The following DLGAP4 variants were observed in gnomAD, a reference collection of about 807,000 sequenced individuals.
DLGAP4 encodes the protein DLG associated protein 4, also known as disks large-associated protein 4.
A neutral mutation model predicts 86.9 loss-of-function variants in DLGAP4; 18 were observed. The observed-to-expected ratio is 0.21, with a 90% CI of 0.14 to 0.31. The LOEUF is 0.31. Ranked by LOEUF, DLGAP4 falls within the 10% of genes least tolerant of loss-of-function variation. DLGAP4 has a pLI of 1.00. For synonymous variants in DLGAP4, 548 were observed against 574.3 expected (o/e 0.95, Z 0.65); for missense variants, 1,085 against 1,362.6 (o/e 0.80, Z 3.21).
At chr20:36,411,145 G>A (rs1220718191) in intron 2 of DLGAP4, among the ~76,000 whole-genome samples, 4 of 152,014 alleles carry the variant, frequency 2.6e-5, no homozygotes, top group Admixed American at 6.5e-5. Flanking sequence ...ATGCGCCATC[G>A]CACCCAGCTA....
chr20:36,425,594 C>T (rs150132803), intron 2 of DLGAP4, among the ~76,000 whole-genome samples: 25 of 152,138 alleles, frequency 1.6e-4, no homozygotes, highest in South Asian at 4.2e-4. Flanking sequence ...GAGGCCAAGG[C>T]GGGTGGATCA....
intron 2 of DLGAP4, among the ~76,000 whole-genome samples, chr20:36,399,051 G>A (rs1223363974): frequency 1.3e-5 from 2 of 152,136 alleles, no homozygotes; most frequent in African/African-American, 4.8e-5. Flanking sequence ...AAATTAGCTA[G>A]GCATGGTGGT....
intron 8 of DLGAP4, chr20:36,499,186 G>T: frequency 6.6e-7 from 1 of 1,512,110 alleles, no homozygotes; most frequent in Non-Finnish European, 9.1e-7. Flanking sequence ...GTGTGTGTGT[G>T]TGTTTTCTTT....
At chr20:36,325,259 G>A (rs2147350462) in intron 1 of DLGAP4, among the ~76,000 whole-genome samples, 1 of 152,102 alleles carries the variant, frequency 6.6e-6, no homozygotes, top group African/African-American at 2.4e-5. Flanking sequence ...AAATATTTGA[G>A]GATTTTTCAG....
rs2036108548 is a variant in DLGAP4, at chr20:36,500,705, G to T, written c.2512+94G>T. On this transcript the variant is annotated intron_variant, in intron 10 of 12. Coordinates refer to ENST00000339266, the MANE Select transcript of DLGAP4 (RefSeq NM_001365621.2). The surrounding 1 kb of genome is among the most constrained non-coding windows in gnomAD (Gnocchi z 4.6). ...AGCAGCTTCCGAACTTCTGAGTGGG[G>T]GTCTCTTAGGTTCTCTTCTTGGGCT... 2 of 1,229,436 alleles carry T rather than the reference G, an allele frequency of 1.6e-6. No individual in the cohort carries two copies. Among genetic ancestry groups the T allele is most frequent in the Non-Finnish European group, 2.1e-6 (2 of 932,300 alleles). 76.2% of individuals were successfully genotyped at this position (1,229,436 alleles called of 1,614,324 possible). A position where few individuals can be genotyped will look rare whatever the true frequency, so the allele number is the denominator to read the frequency against.
rs2033151493 is a variant in DLGAP4, at chr20:36,432,329, G to T, written c.612G>T (p.Trp204Cys). The T allele has an allele frequency of 6.2e-7, 1 of 1,613,638 alleles. No individual in the cohort carries two copies. Among genetic ancestry groups the T allele is most frequent in the Non-Finnish European group, 8.5e-7 (1 of 1,179,908 alleles). The stretch of plus-strand genomic sequence containing the variant: ...GCAGCCGCTCCAACATCTCAGGCTG[G>T]TGGAGCTCCGATGACAACTTGGACG... The part of the protein sequence containing the change: ...KRRSRSNISG[W>C]WSSDDNLDGE... Residue 204 changes from tryptophan to cysteine, a missense_variant, in exon 3 of 13, where the codon TGG (tryptophan) becomes TGT (cysteine). Transcript: ENST00000339266. This position sits in a 1 kb window ranked among gnomAD's most constrained non-coding sequence, Gnocchi z 6.5.
At chr20:36,396,607 TACAC>T (rs2032002126) in intron 2 of DLGAP4, among the ~76,000 whole-genome samples, 2 of 69,240 alleles carry the variant, frequency 2.9e-5, no homozygotes, top group South Asian at 6.0e-4. Context: ...CACGCACGCA[TACAC>T]ACCACAGACA....
intron 5 of DLGAP4, 43 bp downstream of exon 5, chr20:36,439,911 C>A: frequency 6.5e-7 from 1 of 1,542,568 alleles, no homozygotes; most frequent in Non-Finnish European, 8.9e-7. Context: ...GGCTTGGGTA[C>A]TGATTCCCAT....
Position 36,393,563 on chromosome 20 carries a change from G to C in DLGAP4, c.-73+26288G>C, listed in dbSNP as rs1025211393. Among the ~76,000 whole-genome samples the C allele has an allele frequency of 3.3e-5, 5 of 152,208 alleles. No individual in the cohort carries two copies. The highest frequency in any genetic ancestry group is 7.4e-5 in the Non-Finnish European group (5 of 67,998). ...CCTGAGGTCTCCACACCGAGCCCCT[G>C]GGGAGCACAGGGAAGCGAGCCAGCC... On this transcript the variant is annotated intron_variant, in intron 2 of 12. Transcript: ENST00000339266. The surrounding 1 kb of genome is among the most constrained non-coding windows in gnomAD (Gnocchi z 4.4).
chr20:36,481,400 G>A (rs1294611200), intron 7 of DLGAP4, among the ~76,000 whole-genome samples: 1 of 152,038 alleles, frequency 6.6e-6, no homozygotes, highest in Non-Finnish European at 1.5e-5. Flanking sequence ...TCTTCTCCAG[G>A]GTGACCATCC....
chr20:36,421,115 TG>T (rs926592107), intron 2 of DLGAP4, among the ~76,000 whole-genome samples: 1 of 151,806 alleles, frequency 6.6e-6, no homozygotes, highest in African/African-American at 2.4e-5. Flanking sequence ...CACTCCAGCC[TG>T]GGCAAAAAAC....
chr20:36,324,374 C>A (rs2065197441), intron 1 of DLGAP4, among the ~76,000 whole-genome samples: 1 of 152,098 alleles, frequency 6.6e-6, no homozygotes, highest in South Asian at 2.1e-4. Context: ...TTTCAGTGAG[C>A]CGAGATTGCA....
chr20:36,461,270 C>CA (rs2034028442), intron 7 of DLGAP4: 3 of 9,652 alleles, frequency 3.1e-4, no homozygotes, highest in South Asian at 9.8e-3. Flanking sequence ...CTGGGCCGGC[C>CA]GGCTGGGCGT....
intron 2 of DLGAP4, among the ~76,000 whole-genome samples, chr20:36,375,869 G>A (rs1159705058): frequency 6.6e-6 from 1 of 152,126 alleles, no homozygotes; most frequent in African/African-American, 2.4e-5. Context: ...TGACCCTTAA[G>A]GTAAAAGGGA....
At chr20:36,334,972 G>T (rs574021625) in intron 1 of DLGAP4, among the ~76,000 whole-genome samples, 19 of 152,126 alleles carry the variant, frequency 1.2e-4, no homozygotes, top group Non-Finnish European at 2.5e-4. Context: ...TTAATTCTCC[G>T]ACAGTCATAC....
chr20:36,330,499 A>C (rs2065256542), intron 1 of DLGAP4, among the ~76,000 whole-genome samples: 1 of 151,690 alleles, frequency 6.6e-6, no homozygotes, highest in East Asian at 1.9e-4. Context: ...CCTCATCTGT[A>C]AAATGTGCCT....
In DLGAP4 at chr20:36,446,875, C is replaced by G; in HGVS notation, c.1586C>G (p.Ser529Cys). 1 of 1,613,370 alleles carries G rather than the reference C, an allele frequency of 6.2e-7. No homozygotes were observed. The highest frequency in any genetic ancestry group is 8.5e-7 in the Non-Finnish European group (1 of 1,179,944). ...TGCTCGCAGGAGGAGGACAGTGTCTCCCTGCAGTCCCTCTCCCCACCGCCC... is the reference window on the plus strand; with the variant it reads ...TGCTCGCAGGAGGAGGACAGTGTCTGCCTGCAGTCCCTCTCCCCACCGCCC... ...AGCSQEEDSV[S>C]LQSLSPPPST... Residue 529 changes from serine (S) to cysteine (C), a missense_variant, in exon 7 of 13, where the codon TCC becomes TGC. By Grantham distance (112) the Ser-to-Cys change is moderately radical. Coordinates refer to ENST00000339266, the MANE Select transcript of DLGAP4 (RefSeq NM_001365621.2).
At chr20:36,317,248 TTTC>T (rs2065111500) in intron 1 of DLGAP4, among the ~76,000 whole-genome samples, 2 of 55,358 alleles carry the variant, frequency 3.6e-5, no homozygotes, top group African/African-American at 2.2e-4. Flanking sequence ...TCTTTCTTTC[TTTC>T]TTTCTTTCTT....
In DLGAP4 at chr20:36,459,531, A is replaced by G. The variant is rs150785848; in HGVS notation, c.1648+12594A>G. Among the ~76,000 whole-genome samples the G allele has an allele frequency of 5.9e-3, 897 of 152,286 alleles. 10 individuals carry two copies. Among genetic ancestry groups the G allele is most frequent in the African/African-American group, 0.019 (789 of 41,552 alleles). ...AGCTGAGGAGCCACAGGCACATGCC[A>G]CCACACCCAGCTAATTTTTTAATTT... On this transcript the variant is annotated intron_variant, in intron 7 of 12. Transcript: ENST00000339266.
Sources: allele counts gnomAD v4.1 joint callset (sites outside exome capture counted in the v4.1 genomes callset), GRCh38; gene constraint gnomAD v4.1.1; non-coding constraint Gnocchi (gnomAD v3.1); transcripts MANE v1.5; gene names NCBI Gene and HGNC (gene_info 2026-07-23, HGNC 2026-07-21).